Variants in CACNA1D observed in about 807,000 individuals in gnomAD.
CACNA1D encodes the protein voltage-dependent L-type calcium channel subunit alpha-1D.
In CACNA1D, 55 loss-of-function variants were observed where a neutral mutation model predicts 257.1. That is an observed-to-expected ratio of 0.21 (90% CI 0.17 to 0.27). The LOEUF is 0.27. Ranked by LOEUF, CACNA1D falls within the 10% of genes least tolerant of loss-of-function variation. The pLI, the probability that CACNA1D is intolerant of heterozygous loss-of-function variation, is 1.00. For missense variants in CACNA1D, 1,876 were observed against 2,784.0 expected, an observed-to-expected ratio of 0.67 and a Z score of 7.34; for synonymous variants, 980 against 1,014.9, an observed-to-expected ratio of 0.97 and a Z score of 0.65.
intron 3 of CACNA1D, among the ~76,000 whole-genome samples, chr3:53,518,557 T>G (rs188439817): frequency 6.6e-6 from 1 of 152,292 alleles, no homozygotes; most frequent in East Asian, 1.9e-4. Flanking sequence ...AGGGCTCCCA[T>G]CAAAGCAGTA....
intron 8 of CACNA1D, among the ~76,000 whole-genome samples, chr3:53,686,706 T>A (rs2094476298): frequency 6.6e-6 from 1 of 152,136 alleles, no homozygotes; most frequent in South Asian, 2.1e-4. Context: ...GACAACATAC[T>A]TATTGGTGAA....
intron 3 of CACNA1D, among the ~76,000 whole-genome samples, chr3:53,637,913 C>G (rs945172583): frequency 1.3e-5 from 2 of 152,150 alleles, no homozygotes; most frequent in African/African-American, 4.8e-5. Context: ...TGCATGGAGT[C>G]ATTAATCTTC....
At chr3:53,562,646 T>A (rs541959835) in intron 3 of CACNA1D, among the ~76,000 whole-genome samples, 1 of 130,356 alleles carries the variant, frequency 7.7e-6, no homozygotes, top group Admixed American at 7.5e-5. Context: ...AACATTTTCA[T>A]AAATGCCTCC....
At chr3:53,805,201 C>A (rs1284947493) in intron 45 of CACNA1D, 55 bp downstream of exon 45, 2 of 1,541,350 alleles carry the variant, frequency 1.3e-6, no homozygotes, top group Admixed American at 3.3e-5. Flanking sequence ...GTGTACCTCT[C>A]CCCCAACCCC....
intron 30 of CACNA1D, among the ~76,000 whole-genome samples, chr3:53,764,483 G>T (rs960864548): frequency 6.6e-6 from 1 of 152,246 alleles, no homozygotes; most frequent in Non-Finnish European, 1.5e-5. Context: ...TGCTGTGCAG[G>T]TGGTGGGTGT....
intron 3 of CACNA1D, among the ~76,000 whole-genome samples, chr3:53,615,078 A>G (rs944082664): frequency 1.3e-5 from 2 of 152,226 alleles, no homozygotes; most frequent in African/African-American, 2.4e-5. Flanking sequence ...AAGTTGCTGC[A>G]GCCTTCATTT....
At chr3:53,727,993 C>G (rs150837880) in intron 15 of CACNA1D, among the ~76,000 whole-genome samples, 1 of 152,098 alleles carries the variant, frequency 6.6e-6, no homozygotes, top group Non-Finnish European at 1.5e-5. Flanking sequence ...TCCCTTGACT[C>G]GGCTCTAAGG....
chr3:53,671,256 C>T (rs1179484488), intron 7 of CACNA1D, among the ~76,000 whole-genome samples: 1 of 152,220 alleles, frequency 6.6e-6, no homozygotes, highest in Non-Finnish European at 1.5e-5. Flanking sequence ...GCAGATGGCT[C>T]AGCAGATGAC....
chr3:53,548,138 G>A (rs545489666), intron 3 of CACNA1D, among the ~76,000 whole-genome samples: 5 of 152,076 alleles, frequency 3.3e-5, no homozygotes, highest in Non-Finnish European at 4.4e-5. Flanking sequence ...GATTCTTTCC[G>A]CCTTCGTCTT....
chr3:53,583,295 AT>A (rs1431603780), intron 3 of CACNA1D, among the ~76,000 whole-genome samples: 1 of 151,976 alleles, frequency 6.6e-6, no homozygotes, highest in East Asian at 1.9e-4. Context: ...GACATTTCCA[AT>A]GTCCGTCTTC....
chr3:53,522,188 A>G (rs2107357208), intron 3 of CACNA1D, among the ~76,000 whole-genome samples: 1 of 152,274 alleles, frequency 6.6e-6, no homozygotes, highest in East Asian at 1.9e-4. Flanking sequence ...ACCGTATTAG[A>G]CGACATATGG....
In CACNA1D at chr3:53,615,709, T is replaced by C. The variant is rs117578148; in HGVS notation, c.484-35070T>C. Among the ~76,000 whole-genome samples, 646 of 152,324 alleles carry C rather than the reference T, an allele frequency of 4.2e-3. 23 individuals carry two copies. The East Asian group carries it at 0.084, about 20-fold the overall frequency. ...TAGCTGTGAGAGAGGCTGCACCATATATGGGTTTCTGGTCCAAAGCATATG... is the reference window on the plus strand; with the variant it reads ...TAGCTGTGAGAGAGGCTGCACCATACATGGGTTTCTGGTCCAAAGCATATG... On this transcript the variant is annotated intron_variant, in intron 3 of 47. Transcript: ENST00000350061.
In CACNA1D at chr3:53,776,592, T is replaced by G; in HGVS notation, c.4363-11T>G. 6.2e-7 allele frequency: 1 copy of G among 1,614,206 alleles called. No homozygotes were observed. The highest frequency in any genetic ancestry group is 8.5e-7 in the Non-Finnish European group (1 of 1,180,014). ...CAGCTGAAGTTCTTCCTTTCCTATT[T>G]GCTTTTTCAGATCATCAATCTGTTT... On this transcript the variant is annotated splice_polypyrimidine_tract_variant and intron_variant, in intron 35 of 47. Coordinates refer to ENST00000350061, the MANE Select transcript of CACNA1D (RefSeq NM_001128840.3).
intron 1 of CACNA1D, 133 bp from the exon 2 acceptor site, chr3:53,497,019 A>G (rs962241848): frequency 1.1e-5 from 8 of 747,304 alleles, no homozygotes; most frequent in Non-Finnish European, 1.8e-5. Context: ...AAAATAGCAC[A>G]TGAGATTCAA....
chr3:53,678,822 C>T (rs182187347), intron 8 of CACNA1D, among the ~76,000 whole-genome samples: 186 of 152,206 alleles, frequency 1.2e-3, no homozygotes, highest in Non-Finnish European at 1.9e-3. Flanking sequence ...TAGTAATAGC[C>T]AGACAATCTC....
At chr3:53,711,936 AG>A (rs1225000078) in intron 9 of CACNA1D, among the ~76,000 whole-genome samples, 10 of 152,234 alleles carry the variant, frequency 6.6e-5, no homozygotes. Flanking sequence ...CATTCACGGA[AG>A]GTTTATGAAC....
chr3:53,805,355 T>G (rs1292766725), intron 45 of CACNA1D: 1 of 597,030 alleles, frequency 1.7e-6, no homozygotes, highest in Non-Finnish European at 3.0e-6. Context: ...TTCAGTGCTA[T>G]GCTTGACTCT....
intron 4 of CACNA1D, 136 bp from the exon 5 acceptor site, chr3:53,659,997 C>A: frequency 1.4e-6 from 1 of 720,944 alleles, no homozygotes. Context: ...CAGCCCAGTT[C>A]TTGTCTTTGT....
intron 3 of CACNA1D, among the ~76,000 whole-genome samples, chr3:53,629,760 A>G (rs1454596356): frequency 6.6e-6 from 1 of 152,202 alleles, no homozygotes; most frequent in Non-Finnish European, 1.5e-5. Context: ...CATAGCATGC[A>G]ACTTCAGAAA....
Sources: allele counts gnomAD v4.1 joint callset (sites outside exome capture counted in the v4.1 genomes callset), GRCh38; gene constraint gnomAD v4.1.1; transcripts MANE v1.5; gene names NCBI Gene and HGNC (gene_info 2026-07-23, HGNC 2026-07-21).